The following SDHA variants were observed in gnomAD, a reference collection of about 807,000 sequenced individuals.
The protein encoded by SDHA is succinate dehydrogenase complex flavoprotein subunit A.
A neutral mutation model predicts 78.4 loss-of-function variants in SDHA; 48 were observed. That is an observed-to-expected ratio of 0.61 (90% confidence interval 0.49 to 0.78). The LOEUF (loss-of-function observed/expected upper bound fraction) is 0.78, where lower values mean the gene tolerates loss of function less well. Among genes scored for constraint, SDHA ranks in the 30% least tolerant of loss-of-function variants. The pLI, the probability that SDHA is intolerant of heterozygous loss-of-function variation, is 0.00. For missense variants in SDHA, 680 were observed against 892.7 expected (o/e 0.76, Z 3.04); for synonymous variants, 326 against 353.9 (o/e 0.92, Z 0.88).
rs769390635 is a variant in SDHA, at chr5:226,063, T to C, written c.621+16T>C. ...ATATGGAAGGGTAAGGCCGCCCCCGTCCACCTGAGACAGGACACGTAGTGC... is the reference window on the plus strand; with the variant it reads ...ATATGGAAGGGTAAGGCCGCCCCCGCCCACCTGAGACAGGACACGTAGTGC... On this transcript the variant is annotated intron_variant, in intron 5 of 14. Transcript: ENST00000264932. The C allele has an allele frequency of 2.2e-5, 36 of 1,613,884 alleles. No homozygotes were observed. In the African/African-American group the frequency reaches 3.7e-4, roughly 17 times the overall value.
chr5:223,692 C>T lies in SDHA; in HGVS notation c.150+124C>T, dbSNP rs3213839. ...AAAAATTTCTCATAGGTATCCAATG[C>T]ATGCTGAAATTATTTTCAGTGTAAT... On this transcript the variant is annotated intron_variant, in intron 2 of 14. Coordinates refer to ENST00000264932, the MANE Select transcript of SDHA (RefSeq NM_004168.4). The T allele has an allele frequency of 0.16, 111,044 of 705,220 alleles. 13,648 individuals are homozygous for T. The highest frequency in any genetic ancestry group is 0.53 in the African/African-American group (30,002 of 56,816). 43.7% of individuals were successfully genotyped at this position (705,220 alleles called of 1,614,324 possible). A position where few individuals can be genotyped will look rare whatever the true frequency, so the allele number is the denominator to read the frequency against.
chr5:241,671 T>A (rs1736149940), intron 11 of SDHA, among the ~76,000 whole-genome samples: 2 of 152,240 alleles, frequency 1.3e-5, no homozygotes, highest in Non-Finnish European at 2.9e-5. Context: ...TTGCAAGAAT[T>A]TCTGTGTATT....
At chr5:262,350 G>A in the SDHA span, among the ~76,000 whole-genome samples, 10 of 109,114 alleles carry the variant, frequency 9.2e-5, 1 homozygote, top group African/African-American at 2.6e-4. Context: ...TCCGCCTCCC[G>A]GCAGAGCATT....
chr5:263,129 A>G, the SDHA span, among the ~76,000 whole-genome samples: 2 of 152,074 alleles, frequency 1.3e-5, no homozygotes, highest in Non-Finnish European at 2.9e-5. Flanking sequence ...TTACAGAGAC[A>G]GGGTTTCACC....
At chr5:246,718 T>A (rs1736488819) in intron 11 of SDHA, among the ~76,000 whole-genome samples, 2 of 152,232 alleles carry the variant, frequency 1.3e-5, no homozygotes, top group African/African-American at 4.8e-5. Context: ...AACTCCACAT[T>A]CAGCTACTGG....
chr5:225,449 G>T lies in SDHA; in HGVS notation c.343G>T (p.Glu115Ter), dbSNP rs1734956047. ...AATCAATGCTGCTCTGGGGAACATGGAGGAGGACAACTGGAGGTGGCATTT... is the reference window on the plus strand; with the variant it reads ...AATCAATGCTGCTCTGGGGAACATGTAGGAGGACAACTGGAGGTGGCATTT... ...GGINAALGNM[E>*]EDNWRWHFYD... The change falls in exon 4 of 15, where the codon GAG becomes TAG. Residue 115 changes from glutamate (E) to a stop codon, truncating the protein, a stop_gained. Transcript: ENST00000264932. LOFTEE classifies it high-confidence loss of function. 1 of 1,612,942 alleles carries T rather than the reference G, an allele frequency of 6.2e-7. No individual in the cohort carries two copies. Among genetic ancestry groups the T allele is most frequent in the African/African-American group, 1.3e-5 (1 of 74,912 alleles).
At chr5:243,565 A>G (rs1736268805) in intron 11 of SDHA, among the ~76,000 whole-genome samples, 1 of 152,158 alleles carries the variant, frequency 6.6e-6, no homozygotes, top group South Asian at 2.1e-4. Flanking sequence ...AGCTTGGGAA[A>G]AAATCACTTC....
chr5:266,166 A>G, the SDHA span, among the ~76,000 whole-genome samples: 1 of 152,268 alleles, frequency 6.6e-6, no homozygotes, highest in Non-Finnish European at 1.5e-5. Context: ...TTGGTCCAAT[A>G]AATGAAGGAA....
chr5:239,624 G>A (rs1041649524), intron 10 of SDHA, among the ~76,000 whole-genome samples: 2 of 152,014 alleles, frequency 1.3e-5, no homozygotes, highest in African/African-American at 4.8e-5. Context: ...AAATCAACAG[G>A]TGACTTTCAA....
chr5:267,264 G>GA, the SDHA span, among the ~76,000 whole-genome samples: 44 of 152,362 alleles, frequency 2.9e-4, no homozygotes, highest in African/African-American at 8.9e-4. Flanking sequence ...CCCAGGACAG[G>GA]AGGGGGTGCC....
At chr5:244,559 T>C (rs1736335096) in intron 11 of SDHA, among the ~76,000 whole-genome samples, 1 of 152,134 alleles carries the variant, frequency 6.6e-6, no homozygotes, top group Admixed American at 6.5e-5. Context: ...AAATTACTGA[T>C]AAACGTCCTA....
At chr5:235,765 G>T in intron 9 of SDHA, 1 of 314,720 alleles carries the variant, frequency 3.2e-6, no homozygotes, top group East Asian at 8.7e-5. Flanking sequence ...GGGTAGAACA[G>T]TCTGGAACAT....
intron 13 of SDHA, chr5:253,198 C>T (rs1449702690): frequency 6.6e-6 from 1 of 152,226 alleles, no homozygotes; most frequent in African/African-American, 2.4e-5. Context: ...GGCAGGCGCA[C>T]AGGCTGGTTC....
Position 256,375 on chromosome 5 carries a change from C to G in SDHA, c.1950C>G (p.Asn650Lys). ...GACCCGTGATCGACAAAACTTTGAA[C>G]GAGGCTGACTGTGCCACCGTCCCGC... ...EYRPVIDKTL[N>K]EADCATVPPA... Residue 650 changes from asparagine (N) to lysine (K), a missense_variant, in exon 15 of 15, where the codon AAC (asparagine) becomes AAG (lysine). By Grantham distance (94) the Asn-to-Lys change is moderately conservative (BLOSUM62 0). Transcript: ENST00000264932. The G allele has an allele frequency of 6.2e-7, 1 of 1,613,912 alleles. No individual in the cohort carries two copies. The highest frequency in any genetic ancestry group is 1.1e-5 in the South Asian group (1 of 91,070).
chr5:259,835 C>T (rs376399548), downstream of SDHA, among the ~76,000 whole-genome samples: 850 of 26,314 alleles, frequency 0.032, 18 homozygotes, highest in Middle Eastern at 0.068. Context: ...CGAGCATTAC[C>T]GTGTGAGCTC....
rs765766175 is a variant in SDHA, at chr5:225,404, G to T, written c.313-15G>T. Reference sequence around the variant, plus strand: ...CTCCTGTTTGTGGCTTGTAAGGAGTGGTTGGTGTTTCCAGGGAGGAATCAA... The same window carrying T: ...CTCCTGTTTGTGGCTTGTAAGGAGTTGTTGGTGTTTCCAGGGAGGAATCAA... On this transcript the variant is annotated splice_polypyrimidine_tract_variant and intron_variant, in intron 3 of 14. Coordinates refer to ENST00000264932, the MANE Select transcript of SDHA (RefSeq NM_004168.4). 6.2e-7 allele frequency: 1 copy of T among 1,612,160 alleles called. No individual in the cohort carries two copies. The highest frequency in any genetic ancestry group is 2.2e-5 in the East Asian group (1 of 44,886).
chr5:228,564 T>C (rs1363399929), intron 6 of SDHA, among the ~76,000 whole-genome samples: 2 of 151,130 alleles, frequency 1.3e-5, no homozygotes, highest in East Asian at 1.9e-4. Flanking sequence ...TAGATGGTAG[T>C]GGTTGCCCTC....
chr5:263,591 A>G, the SDHA span, among the ~76,000 whole-genome samples: 1 of 152,214 alleles, frequency 6.6e-6, no homozygotes, highest in East Asian at 1.9e-4. Context: ...GAGTGTGTTC[A>G]TTATCTTCTG....
chr5:232,505 G>T (rs1438049218), intron 7 of SDHA, among the ~76,000 whole-genome samples: 1 of 152,190 alleles, frequency 6.6e-6, no homozygotes, highest in African/African-American at 2.4e-5. Context: ...ATAGCCATGA[G>T]CCACTGCACC....
Sources: allele counts gnomAD v4.1 joint callset (sites outside exome capture counted in the v4.1 genomes callset), GRCh38; gene constraint gnomAD v4.1.1; transcripts MANE v1.5; gene names NCBI Gene and HGNC (gene_info 2026-07-23, HGNC 2026-07-21).